ATRNL1: variants seen among roughly 807,000 people sequenced by gnomAD.
ATRNL1 encodes the protein attractin-like protein 1.
ATRNL1 carries 95 observed loss-of-function variants against 182.7 expected under a neutral mutation model. That is an observed-to-expected ratio of 0.52 (90% CI 0.44 to 0.62). ATRNL1 has a LOEUF of 0.62. ATRNL1 is among the 20% of genes least tolerant of loss of function. The probability of loss-of-function intolerance (pLI) is 0.00; values close to 1 mark genes in which losing one functional copy is unlikely to be tolerated. For missense variants in ATRNL1, 1,471 were observed against 1,679.5 expected (o/e 0.88, Z 2.17); for synonymous variants, 576 against 568.3 (o/e 1.01, Z -0.19).
intron 5 of ATRNL1, among the ~76,000 whole-genome samples, chr10:115,146,961 G>T (rs1846002084): frequency 6.6e-6 from 1 of 151,974 alleles, no homozygotes; most frequent in Admixed American, 6.6e-5. Flanking sequence ...CTCTGTTACA[G>T]TGATTTTGTC....
chr10:115,595,458 A>C (rs2133928511), intron 26 of ATRNL1, among the ~76,000 whole-genome samples: 1 of 152,256 alleles, frequency 6.6e-6, no homozygotes, highest in Non-Finnish European at 1.5e-5. Flanking sequence ...TTTCACTTTG[A>C]ATTTGGTAAT....
chr10:115,558,992 G>T (rs1407094844), intron 26 of ATRNL1, among the ~76,000 whole-genome samples: 3 of 152,012 alleles, frequency 2.0e-5, no homozygotes, highest in African/African-American at 7.3e-5. Flanking sequence ...CACTTGTATG[G>T]CAAGAAGCTC....
chr10:115,944,195 T>C (rs74782470), intron 28 of ATRNL1, among the ~76,000 whole-genome samples: 1,645 of 151,356 alleles, frequency 0.011, 43 homozygotes, highest in African/African-American at 0.038. Flanking sequence ...CTTCAGTTGG[T>C]AATTTTATCT....
intron 18 of ATRNL1, among the ~76,000 whole-genome samples, chr10:115,321,121 T>C (rs1854562542): frequency 6.6e-6 from 1 of 152,102 alleles, no homozygotes; most frequent in African/African-American, 2.4e-5. Context: ...GCTTTCTGTT[T>C]GTTTTTCTTT....
intron 26 of ATRNL1, among the ~76,000 whole-genome samples, chr10:115,587,129 G>A (rs540703620): frequency 1.7e-4 from 26 of 148,788 alleles, no homozygotes; most frequent in African/African-American, 5.6e-4. Context: ...CTCCAGCTGC[G>A]TACTGGGAGA....
intron 26 of ATRNL1, among the ~76,000 whole-genome samples, chr10:115,590,790 A>G (rs782165935): frequency 6.6e-6 from 1 of 152,182 alleles, no homozygotes; most frequent in Non-Finnish European, 1.5e-5. Flanking sequence ...TCCATTGCAA[A>G]TAGAAAGATG....
chr10:115,775,693 A>G (rs914868791), intron 27 of ATRNL1, among the ~76,000 whole-genome samples: 1 of 152,206 alleles, frequency 6.6e-6, no homozygotes, highest in East Asian at 1.9e-4. Context: ...ACGATGGCTC[A>G]TGCCTGTAAT....
At chr10:115,610,066 T>A (rs1857076543) in intron 26 of ATRNL1, among the ~76,000 whole-genome samples, 1 of 152,224 alleles carries the variant, frequency 6.6e-6, no homozygotes, top group Admixed American at 6.5e-5. Context: ...TAAAATAGAC[T>A]TTCATTTTTC....
chr10:115,774,570 TAGA>T (rs1473270377), intron 27 of ATRNL1, among the ~76,000 whole-genome samples: 7 of 152,076 alleles, frequency 4.6e-5, no homozygotes, highest in Admixed American at 2.6e-4. Context: ...CACTTCTGGG[TAGA>T]AGAAGTTTTT....
intron 27 of ATRNL1, among the ~76,000 whole-genome samples, chr10:115,771,353 C>T (rs1555076338): frequency 6.6e-6 from 1 of 152,162 alleles, no homozygotes; most frequent in South Asian, 2.1e-4. Context: ...GCCTCAGCCT[C>T]CCAAGTAGCT....
intron 27 of ATRNL1, among the ~76,000 whole-genome samples, chr10:115,736,176 T>A (rs1261276360): frequency 6.6e-6 from 1 of 152,182 alleles, no homozygotes; most frequent in African/African-American, 2.4e-5. Flanking sequence ...CCTCTTTCCA[T>A]CTTCACAATC....
At chr10:115,350,360 A>AAAAAAAAAAAAAAT (rs1856188091) in intron 19 of ATRNL1, among the ~76,000 whole-genome samples, 1 of 150,722 alleles carries the variant, frequency 6.6e-6, no homozygotes, top group Non-Finnish European at 1.5e-5. Flanking sequence ...AAAAAAAAAA[A>AAAAAAAAAAAAAAT]AAAAGAATTT....
chr10:115,513,738 G>T (rs1400728203), intron 24 of ATRNL1, among the ~76,000 whole-genome samples: 1 of 151,702 alleles, frequency 6.6e-6, no homozygotes, highest in East Asian at 1.9e-4. Context: ...GACTGCAACA[G>T]TATTTTCCAT....
At chr10:115,575,708 T>C (rs954904790) in intron 26 of ATRNL1, among the ~76,000 whole-genome samples, 1 of 152,250 alleles carries the variant, frequency 6.6e-6, no homozygotes, top group African/African-American at 2.4e-5. Context: ...TACATATACA[T>C]AGTGAAATGA....
In ATRNL1 at chr10:115,918,246, G is replaced by A. The variant is rs150055096; in HGVS notation, c.4019-26412G>A. On this transcript the variant is annotated intron_variant, in intron 28 of 28. Coordinates refer to ENST00000355044, the MANE Select transcript of ATRNL1 (RefSeq NM_207303.4). Reference sequence around the variant, plus strand: ...CCCCCGAGTAACTGGGATTACAAGCGTGCACCACTGTAGCTGGCTAATTGT... The same window carrying A: ...CCCCCGAGTAACTGGGATTACAAGCATGCACCACTGTAGCTGGCTAATTGT... Among the ~76,000 whole-genome samples, 83 of 152,150 alleles carry A rather than the reference G, an allele frequency of 5.5e-4. No individual in the cohort carries two copies. The East Asian group carries it at 0.012, about 22-fold the overall frequency.
intron 6 of ATRNL1, among the ~76,000 whole-genome samples, chr10:115,163,448 T>G (rs570340529): frequency 3.5e-4 from 53 of 151,816 alleles, no homozygotes; most frequent in African/African-American, 1.2e-3. Context: ...ACTGCAGCCT[T>G]GAGCTTCTGG....
rs377454962 is a variant in ATRNL1, at chr10:115,622,065, T to G, written c.3795+72529T>G. Among the ~76,000 whole-genome samples the G allele has an allele frequency of 5.3e-5, 8 of 152,282 alleles. 1 individual carries two copies. Among genetic ancestry groups the G allele is most frequent in the African/African-American group, 1.9e-4 (8 of 41,566 alleles). On this transcript the variant is annotated intron_variant, in intron 26 of 28. Transcript: ENST00000355044. ...GCACACTGTTCTTAAGAATTACTGCTTTTTTCCAAAGGTAATCTTGCTCCA... is the reference window on the plus strand; with the variant it reads ...GCACACTGTTCTTAAGAATTACTGCGTTTTTCCAAAGGTAATCTTGCTCCA...
chr10:115,115,001 A>G (rs528917707), intron 1 of ATRNL1, among the ~76,000 whole-genome samples: 1 of 152,102 alleles, frequency 6.6e-6, no homozygotes, highest in East Asian at 1.9e-4. Context: ...CAACGGATCA[A>G]TGGATTAAAA....
intron 19 of ATRNL1, among the ~76,000 whole-genome samples, chr10:115,384,443 G>T (rs992794891): frequency 1.1e-4 from 17 of 150,664 alleles, no homozygotes; most frequent in African/African-American, 3.4e-4. Context: ...AAATATAAGG[G>T]TTTTTTTTTC....
Sources: allele counts gnomAD v4.1 joint callset (sites outside exome capture counted in the v4.1 genomes callset), GRCh38; gene constraint gnomAD v4.1.1; transcripts MANE v1.5; gene names NCBI Gene and HGNC (gene_info 2026-07-23, HGNC 2026-07-21).